Variants in LRP5 observed in about 807,000 individuals in gnomAD.
LRP5 encodes the protein LDL receptor related protein 5.
In LRP5, 62 loss-of-function variants were observed where a neutral mutation model predicts 154.1. That is an observed-to-expected ratio of 0.40 (90% CI 0.33 to 0.50). The LOEUF is 0.50. LRP5 is among the 20% of genes least tolerant of loss of function. LRP5 has a pLI of 0.55. For synonymous variants in LRP5, 966 were observed against 1,011.5 expected (o/e 0.96, Z 0.85); for missense variants, 1,915 against 2,336.7 (o/e 0.82, Z 3.72).
At chr11:68,372,696 C>T (rs1330020327) in intron 5 of LRP5, among the ~76,000 whole-genome samples, 1 of 152,116 alleles carries the variant, frequency 6.6e-6, no homozygotes, top group African/African-American at 2.4e-5. Context: ...TGCAGGCTGT[C>T]TGGGTCAGTG....
chr11:68,305,567 T>A, the LRP5 span, among the ~76,000 whole-genome samples: 1 of 152,100 alleles, frequency 6.6e-6, no homozygotes, highest in Admixed American at 6.5e-5. Flanking sequence ...CTCAGCCTCC[T>A]GAGTAGCTGG....
chr11:68,360,811 C>G (rs1355736410), intron 3 of LRP5, among the ~76,000 whole-genome samples: 3 of 151,096 alleles, frequency 2.0e-5, no homozygotes, highest in African/African-American at 7.3e-5. Flanking sequence ...TCCTGGCTAA[C>G]ACGGTGAAAC....
rs180700464 is a variant in LRP5, at chr11:68,370,985, T to C, written c.1015+5283T>C. Among the ~76,000 whole-genome samples, 783 of 152,260 alleles carry C rather than the reference T, an allele frequency of 5.1e-3. 10 individuals are homozygous for C. The highest frequency in any genetic ancestry group is 0.018 in the African/African-American group (742 of 41,538). On this transcript the variant is annotated intron_variant, in intron 5 of 22. Coordinates refer to ENST00000294304, the MANE Select transcript of LRP5 (RefSeq NM_002335.4). ...GAGCGTTTCAGTTCACTTTTTTTTGTAAGCATGGTTCCCCAGTCTGACCTC... is the reference window on the plus strand; with the variant it reads ...GAGCGTTTCAGTTCACTTTTTTTTGCAAGCATGGTTCCCCAGTCTGACCTC...
intron 19 of LRP5, 66 bp downstream of exon 19, chr11:68,437,065 G>A: frequency 7.3e-7 from 1 of 1,377,342 alleles, no homozygotes; most frequent in East Asian, 2.3e-5. Flanking sequence ...GTGGAGTTTA[G>A]GGGAGGAGAC....
chr11:68,322,431 C>T (rs1202534279), intron 1 of LRP5, among the ~76,000 whole-genome samples: 1 of 152,250 alleles, frequency 6.6e-6, no homozygotes, highest in Non-Finnish European at 1.5e-5. Flanking sequence ...TAGTTTTCAT[C>T]ACATCCTTCC....
intron 5 of LRP5, among the ~76,000 whole-genome samples, chr11:68,378,115 G>A (rs1397220399): frequency 2.0e-5 from 3 of 152,184 alleles, no homozygotes; most frequent in Non-Finnish European, 4.4e-5. Context: ...TGGGATGGAG[G>A]TGTCCGGGGC....
At chr11:68,438,376 G>A in intron 19 of LRP5, 70 bp from the exon 20 acceptor site, 1 of 1,403,628 alleles carries the variant, frequency 7.1e-7, no homozygotes, top group Non-Finnish European at 1.0e-6. Flanking sequence ...GGCGCACGGT[G>A]TCTGCCCCCA....
intron 1 of LRP5, among the ~76,000 whole-genome samples, chr11:68,334,990 A>G (rs2098604866): frequency 6.6e-6 from 1 of 151,756 alleles, no homozygotes; most frequent in Non-Finnish European, 1.5e-5. Flanking sequence ...ATACTGAACC[A>G]TTGCTCCTAG....
upstream of LRP5, chr11:68,312,589 C>T (rs1472278213): frequency 3.0e-5 from 7 of 236,634 alleles, no homozygotes; most frequent in Non-Finnish European, 4.1e-5. Context: ...TCCCTCCTCC[C>T]CGTCGTCCTG....
chr11:68,392,821 G>A (rs533262296), intron 7 of LRP5, among the ~76,000 whole-genome samples: 11 of 152,072 alleles, frequency 7.2e-5, no homozygotes, highest in Non-Finnish European at 1.5e-4. Context: ...ACACATTGTC[G>A]CACGTTATCA....
At chr11:68,315,056 C>T (rs1165115487) in intron 1 of LRP5, among the ~76,000 whole-genome samples, 1 of 152,166 alleles carries the variant, frequency 6.6e-6, no homozygotes, top group Non-Finnish European at 1.5e-5. Context: ...CTCTGAGTTG[C>T]TTTCTCCCTT....
chr11:68,383,803 C>T (rs576530375), intron 5 of LRP5, among the ~76,000 whole-genome samples: 38 of 152,132 alleles, frequency 2.5e-4, no homozygotes, highest in African/African-American at 8.7e-4. Flanking sequence ...GAGGAGGTGG[C>T]GGGAGGAACA....
chr11:68,445,639 G>A (rs1481736656), intron 21 of LRP5: 1 of 1,319,034 alleles, frequency 7.6e-7, no homozygotes, highest in Admixed American at 2.3e-5. Flanking sequence ...TACACCCTTT[G>A]GGAAGCTGCA....
chr11:68,403,044 G>A (rs1365619962), intron 7 of LRP5, among the ~76,000 whole-genome samples: 1 of 152,090 alleles, frequency 6.6e-6, no homozygotes, highest in African/African-American at 2.4e-5. Context: ...TCAGAAGTTC[G>A]AGACCAGCCT....
Position 68,400,059 on chromosome 11 carries a change from C to A in LRP5, c.1585-3424C>A, listed in dbSNP as rs375094852. On this transcript the variant is annotated intron_variant, in intron 7 of 22. Transcript: ENST00000294304. ...GTGGCTTCTGAGCCACCATAGGGGT[C>A]TCTGTGGGAGGCTCTGCCCATCCAG... Among the ~76,000 whole-genome samples, 13 of 152,224 alleles carry A rather than the reference C, an allele frequency of 8.5e-5. No individual in the cohort carries two copies. In the South Asian group the frequency reaches 2.7e-3, roughly 32 times the overall value.
At chr11:68,332,074 G>A (rs1405501766) in intron 1 of LRP5, among the ~76,000 whole-genome samples, 3 of 150,854 alleles carry the variant, frequency 2.0e-5, no homozygotes, top group South Asian at 2.1e-4. Context: ...CTCCCCACCC[G>A]CCCCTGAAGG....
rs749919151 is a variant in LRP5 at position 68,411,468 on chromosome 11, C to T, written c.2351C>T (p.Pro784Leu). 8.7e-6 allele frequency: 14 copies of T among 1,612,992 alleles called. No individual in the cohort carries two copies. The highest frequency in any genetic ancestry group is 1.2e-5 in the Non-Finnish European group (14 of 1,180,040). Residue 784 changes from proline (P) to leucine (L), a missense_variant, in exon 11 of 23, where the codon CCG (proline) becomes CTG (leucine). Transcript: ENST00000294304. ...TACTGGACCGAGTGGGGCGGCAAGC[C>T]GAGGATCGTGCGGGCCTTCATGGAC... ...YIYWTEWGGK[P>L]RIVRAFMDGT...
At chr11:68,345,016 C>T (rs1337119769) in intron 1 of LRP5, among the ~76,000 whole-genome samples, 1 of 151,850 alleles carries the variant, frequency 6.6e-6, no homozygotes, top group Non-Finnish European at 1.5e-5. Context: ...GCGCGTGCCA[C>T]CATGCCTTGC....
chr11:68,341,059 CTTTTT>C (rs576462333), intron 1 of LRP5, among the ~76,000 whole-genome samples: 2 of 83,488 alleles, frequency 2.4e-5, no homozygotes, highest in Admixed American at 1.6e-4. Context: ...GGAGATTGTT[CTTTTT>C]TTTTTTTTTT....
Sources: allele counts gnomAD v4.1 joint callset (sites outside exome capture counted in the v4.1 genomes callset), GRCh38; gene constraint gnomAD v4.1.1; transcripts MANE v1.5; gene names NCBI Gene and HGNC (gene_info 2026-07-23, HGNC 2026-07-21).